KCNQ5: variants seen among roughly 807,000 people sequenced by gnomAD.
KCNQ5 encodes the protein potassium voltage-gated channel subfamily KQT member 5.
In KCNQ5, 30 loss-of-function variants were observed where a neutral mutation model predicts 98.2. The observed-to-expected ratio is 0.31, with a 90% CI of 0.23 to 0.41. The LOEUF is 0.41. KCNQ5 is among the 10% of genes least tolerant of loss of function. The probability of loss-of-function intolerance (pLI) is 1.00; values close to 1 mark genes in which losing one functional copy is unlikely to be tolerated. For missense variants in KCNQ5, 835 were observed against 1,182.5 expected (o/e 0.71, Z 4.31); for synonymous variants, 458 against 449.4 (o/e 1.02, Z -0.24).
intron 1 of KCNQ5, among the ~76,000 whole-genome samples, chr6:72,704,107 T>C (rs1472747174): frequency 6.6e-6 from 1 of 152,218 alleles, no homozygotes; most frequent in Non-Finnish European, 1.5e-5. Flanking sequence ...TAACAACAGT[T>C]TCTGTTCTAG....
At chr6:72,753,157 T>C (rs933703649) in intron 1 of KCNQ5, among the ~76,000 whole-genome samples, 3 of 152,108 alleles carry the variant, frequency 2.0e-5, no homozygotes, top group South Asian at 4.1e-4. Flanking sequence ...TTTCTGGCTC[T>C]ATAGTTTGGC....
chr6:73,128,362 G>T (rs778794528), intron 9 of KCNQ5, among the ~76,000 whole-genome samples: 19 of 152,128 alleles, frequency 1.2e-4, no homozygotes, highest in African/African-American at 4.3e-4. Flanking sequence ...TAAAAAATTA[G>T]TTGGAAAAGT....
intron 3 of KCNQ5, among the ~76,000 whole-genome samples, chr6:73,053,135 C>T (rs543877840): frequency 1.2e-4 from 18 of 152,092 alleles, no homozygotes; most frequent in African/African-American, 4.1e-4. Context: ...CAACAAAAAT[C>T]AAAAAAGATA....
chr6:72,635,796 G>T lies in KCNQ5; in HGVS notation c.398+13209G>T, dbSNP rs9360575. Among the ~76,000 whole-genome samples the T allele has an allele frequency of 1.1e-4, 16 of 149,812 alleles. No individual in the cohort carries two copies. The East Asian group carries it at 3.2e-3, about 30-fold the overall frequency. ...CTCTGAAAGCTGTCTGTTCTTAAGA[G>T]ATGCATTGAATTTCTAATTACATGC... On this transcript the variant is annotated intron_variant, in intron 1 of 13. Transcript: ENST00000370398.
At chr6:72,819,193 A>G (rs1416375338) in intron 1 of KCNQ5, among the ~76,000 whole-genome samples, 1 of 151,878 alleles carries the variant, frequency 6.6e-6, no homozygotes, top group Non-Finnish European at 1.5e-5. Flanking sequence ...GTAGGTGTAT[A>G]AATTTATGGT....
intron 1 of KCNQ5, among the ~76,000 whole-genome samples, chr6:72,704,966 A>G (rs553004678): frequency 1.3e-5 from 2 of 152,172 alleles, no homozygotes; most frequent in Admixed American, 6.5e-5. Context: ...CCACCTTTCA[A>G]ATTATTTCTA....
chr6:72,904,563 AG>A (rs1200978683), intron 1 of KCNQ5, among the ~76,000 whole-genome samples: 1 of 152,202 alleles, frequency 6.6e-6, no homozygotes, highest in Non-Finnish European at 1.5e-5. Context: ...GGTGGCTAGT[AG>A]TGGTGGATTC....
intron 1 of KCNQ5, among the ~76,000 whole-genome samples, chr6:72,664,542 C>G (rs1427050886): frequency 6.6e-6 from 1 of 152,032 alleles, no homozygotes; most frequent in Non-Finnish European, 1.5e-5. Context: ...GAAATCCCAG[C>G]TACTCAGGAG....
intron 1 of KCNQ5, among the ~76,000 whole-genome samples, chr6:72,741,493 C>T (rs1221870837): frequency 6.6e-6 from 1 of 152,108 alleles, no homozygotes; most frequent in Non-Finnish European, 1.5e-5. Context: ...GGGACTCTTA[C>T]TAAGATGCAG....
intron 1 of KCNQ5, among the ~76,000 whole-genome samples, chr6:72,704,773 A>G (rs1269116976): frequency 6.6e-6 from 1 of 152,098 alleles, no homozygotes; most frequent in African/African-American, 2.4e-5. Context: ...TTGGTGATAC[A>G]GCAAACAACA....
intron 1 of KCNQ5, among the ~76,000 whole-genome samples, chr6:72,759,943 A>C (rs1445163935): frequency 6.6e-6 from 1 of 152,082 alleles, no homozygotes; most frequent in Non-Finnish European, 1.5e-5. Flanking sequence ...TGATAAGAAG[A>C]AAAGGAAGAA....
chr6:73,159,262 C>T (rs150032884), intron 10 of KCNQ5, among the ~76,000 whole-genome samples: 2 of 152,276 alleles, frequency 1.3e-5, no homozygotes, highest in African/African-American at 2.4e-5. Flanking sequence ...AACCAAATAC[C>T]ACATGTTCTC....
intron 1 of KCNQ5, among the ~76,000 whole-genome samples, chr6:72,763,135 T>TC (rs1210747138): frequency 6.6e-6 from 1 of 152,010 alleles, no homozygotes; most frequent in Non-Finnish European, 1.5e-5. Flanking sequence ...AAATTCACTT[T>TC]CATATAAAGA....
intron 1 of KCNQ5, among the ~76,000 whole-genome samples, chr6:72,860,329 T>C (rs528793462): frequency 1.3e-5 from 2 of 152,236 alleles, no homozygotes; most frequent in Non-Finnish European, 2.9e-5. Context: ...AATTCGGTTA[T>C]TTCAACAGGA....
intron 10 of KCNQ5, chr6:73,157,533 T>G (rs1169480678): frequency 2.7e-6 from 2 of 733,962 alleles, no homozygotes; most frequent in Non-Finnish European, 5.1e-6. Context: ...GAACTGACGA[T>G]ACTTCCATCC....
intron 1 of KCNQ5, among the ~76,000 whole-genome samples, chr6:72,961,421 T>C (rs1767343504): frequency 6.6e-6 from 1 of 151,416 alleles, no homozygotes. Flanking sequence ...ATCAAGACCA[T>C]CCTGGCTAAC....
intron 2 of KCNQ5, 44 bp downstream of exon 2, chr6:73,004,042 A>G (rs1769710981): frequency 9.2e-7 from 1 of 1,084,732 alleles, no homozygotes; most frequent in African/African-American, 1.6e-5. Context: ...GTTGTATAAG[A>G]ACTGCCTATA....
At position 72,986,917 on chromosome 6, in the gene KCNQ5, T is replaced by C. The variant is rs899686324; in HGVS notation, c.399-16991T>C. 7.1e-6 allele frequency: 6 copies of C among 841,746 alleles called. No individual in the cohort carries two copies. The African/African-American group carries it at 1.0e-4, about 14-fold the overall frequency. The allele number at this position is 841,746 out of a possible 1,614,324, so 52.1% of individuals were successfully genotyped here. ...ACACTTGCTCAGTGGGGAAGAAGGG[T>C]GAGGAACAGGCAGCCTTGGGGCAGA... On this transcript the variant is annotated intron_variant, in intron 1 of 13. Transcript: ENST00000370398.
chr6:73,075,071 A>G (rs1031393310), intron 3 of KCNQ5, among the ~76,000 whole-genome samples: 2 of 152,166 alleles, frequency 1.3e-5, no homozygotes, highest in African/African-American at 4.8e-5. Flanking sequence ...TCTTTTTATA[A>G]AGTTTTTTTA....
Sources: allele counts gnomAD v4.1 joint callset (sites outside exome capture counted in the v4.1 genomes callset), GRCh38; gene constraint gnomAD v4.1.1; transcripts MANE v1.5; gene names NCBI Gene and HGNC (gene_info 2026-07-23, HGNC 2026-07-21).